TMEM184B: variants seen among roughly 807,000 people sequenced by gnomAD.
TMEM184B encodes transmembrane protein 184B.
In TMEM184B, 17 loss-of-function variants were observed where a neutral mutation model predicts 41.8. That is an observed-to-expected ratio of 0.41 (90% CI 0.28 to 0.61). TMEM184B has a LOEUF of 0.61. TMEM184B is among the 20% of genes least tolerant of loss of function. The pLI is 0.34. For missense variants in TMEM184B, 393 were observed against 557.8 expected (o/e 0.70, Z 2.98); for synonymous variants, 240 against 229.5 (o/e 1.05, Z -0.41).
chr22:38,220,692 TC>T lies in TMEM184B; in HGVS notation c.*776del. The T allele has an allele frequency of 2.0e-6, 2 of 986,254 alleles. No individual in the cohort carries two copies. The highest frequency in any genetic ancestry group is 1.2e-6 in the Non-Finnish European group (1 of 830,252). 61.1% of individuals were successfully genotyped at this position (986,254 alleles called of 1,614,324 possible). ...GAAGCAAGGGCTCTGCCCAAAGCTA[TC>T]GAGGAAGGACCCAAGTGAGCCGGCA... is the stretch of plus-strand genomic sequence containing the variant. On this transcript the variant is annotated 3_prime_UTR_variant, in exon 9 of 9. Coordinates refer to ENST00000361906, the MANE Select transcript of TMEM184B (RefSeq NM_012264.5).
chr22:38,257,018 G>C (rs1292984283), intron 1 of TMEM184B, among the ~76,000 whole-genome samples: 1 of 110,204 alleles, frequency 9.1e-6, no homozygotes, highest in Non-Finnish European at 1.7e-5. Context: ...TTTCGCTCTT[G>C]TTGCCCAGGC....
intron 1 of TMEM184B, among the ~76,000 whole-genome samples, chr22:38,254,180 G>A (rs886453167): frequency 7.1e-6 from 1 of 141,048 alleles, no homozygotes; most frequent in Admixed American, 7.9e-5. Context: ...CCGCCCTTAG[G>A]GGACAGAGCA....
At position 38,224,867 on chromosome 22, in the gene TMEM184B, A is replaced by G. The variant is rs2091381751; in HGVS notation, c.900T>C (p.Cys300=). ...VAAGYQDFII[C]VEMFFAALAL... ...CCAGGGCTGCAAAGAACATCTCCACACAGATGATGAAGTCCTGGTAGCCGG... is the reference window on the plus strand; with the variant it reads ...CCAGGGCTGCAAAGAACATCTCCACGCAGATGATGAAGTCCTGGTAGCCGG... Residue 300 remains cysteine (C), a synonymous_variant, in exon 8 of 9, where the codon TGT becomes TGC. Coordinates refer to ENST00000361906, the MANE Select transcript of TMEM184B (RefSeq NM_012264.5). The G allele has an allele frequency of 3.7e-6, 6 of 1,613,700 alleles. No individual in the cohort carries two copies. The South Asian group carries it at 6.6e-5, about 18-fold the overall frequency.
chr22:38,227,233 G>A (rs577622541), intron 5 of TMEM184B, among the ~76,000 whole-genome samples: 1 of 152,214 alleles, frequency 6.6e-6, no homozygotes, highest in African/African-American at 2.4e-5. Flanking sequence ...CGATGGAGGC[G>A]GGAGACAGGA....
chr22:38,268,133 A>C (rs955185881), intron 1 of TMEM184B, among the ~76,000 whole-genome samples: 11 of 152,168 alleles, frequency 7.2e-5, no homozygotes, highest in South Asian at 4.1e-4. Context: ...CTGTAATCCC[A>C]ACACTTTGGG....
At position 38,225,124 on chromosome 22, in the gene TMEM184B, C is replaced by T. The variant is rs1400646185; in HGVS notation, c.788-145G>A. ...TGCTCCTGCAGGGCAGGGGTAGCGA[C>T]ACAAGGCCACAGCCTCCGGAAACCC... On this transcript the variant is annotated intron_variant, in intron 7 of 8. Transcript: ENST00000361906. This position sits in a 1 kb window ranked among gnomAD's most constrained non-coding sequence, Gnocchi z 4.4. 3 of 1,002,352 alleles carry T rather than the reference C, an allele frequency of 3.0e-6. No homozygotes were observed. Among genetic ancestry groups the T allele is most frequent in the African/African-American group, 1.6e-5 (1 of 60,754 alleles). 62.1% of individuals were successfully genotyped at this position (1,002,352 alleles called of 1,614,324 possible).
At chr22:38,224,271 C>T (rs1425499912) in intron 8 of TMEM184B, among the ~76,000 whole-genome samples, 2 of 152,160 alleles carry the variant, frequency 1.3e-5, no homozygotes, top group Non-Finnish European at 2.9e-5. Context: ...CCCGCCACCA[C>T]GCCCGGCTAA....
At chr22:38,254,855 T>A (rs1191748284) in intron 1 of TMEM184B, among the ~76,000 whole-genome samples, 2 of 149,544 alleles carry the variant, frequency 1.3e-5, no homozygotes, top group Non-Finnish European at 1.5e-5. Context: ...CACTTTCTTT[T>A]TTTTTTTTTT....
At chr22:38,271,902 C>T (rs2092529344) in intron 1 of TMEM184B, among the ~76,000 whole-genome samples, 1 of 152,206 alleles carries the variant, frequency 6.6e-6, no homozygotes, top group Non-Finnish European at 1.5e-5. Context: ...TCAACGAAGT[C>T]ACACCTCTGA....
chr22:38,227,397 G>A (rs2091476712), intron 5 of TMEM184B, among the ~76,000 whole-genome samples: 1 of 152,170 alleles, frequency 6.6e-6, no homozygotes. Context: ...CTGAGGAGAT[G>A]GGCAGGGCCA....
Position 38,219,832 on chromosome 22 carries a change from G to T in TMEM184B, c.*1637C>A, listed in dbSNP as rs2091211054. 4.1e-6 allele frequency: 4 copies of T among 985,434 alleles called. No homozygotes were observed. Among genetic ancestry groups the T allele is most frequent in the Non-Finnish European group, 3.6e-6 (3 of 829,956 alleles). 61.0% of individuals were successfully genotyped at this position (985,434 alleles called of 1,614,324 possible). ...CTGCACCCACCCTCCCGGGCAGCTT[G>T]GGCCCAACTGCTCCGCCCCCCCAAG... is the stretch of plus-strand genomic sequence containing the variant. On this transcript the variant is annotated 3_prime_UTR_variant, in exon 9 of 9. Coordinates refer to ENST00000361906, the MANE Select transcript of TMEM184B (RefSeq NM_012264.5).
At chr22:38,230,848 G>A (rs2091596589) in intron 4 of TMEM184B, 104 bp from the exon 5 acceptor site, 3 of 1,116,860 alleles carry the variant, frequency 2.7e-6, no homozygotes, top group South Asian at 2.7e-5. Flanking sequence ...GACGAGCTGG[G>A]GCACACATTC....
At chr22:38,224,529 C>G (rs1306785188) in intron 8 of TMEM184B, among the ~76,000 whole-genome samples, 1 of 152,256 alleles carries the variant, frequency 6.6e-6, no homozygotes, top group Non-Finnish European at 1.5e-5. Flanking sequence ...ATTACAGTCT[C>G]TGTCTGTATC....
Position 38,249,428 on chromosome 22 carries a change from G to C in TMEM184B, c.-58-1409C>G, listed in dbSNP as rs187799126. Among the ~76,000 whole-genome samples, 4 of 152,302 alleles carry C rather than the reference G, an allele frequency of 2.6e-5. No homozygotes were observed. In the East Asian group the frequency reaches 7.7e-4, roughly 29 times the overall value. Reference sequence around the variant, plus strand: ...TCCTCCCAAAATGCTGGGATTATAGGCGTGAGTCACTGTGCCTGGCCTATC... The same window carrying C: ...TCCTCCCAAAATGCTGGGATTATAGCCGTGAGTCACTGTGCCTGGCCTATC... On this transcript the variant is annotated intron_variant, in intron 1 of 8. Coordinates refer to ENST00000361906, the MANE Select transcript of TMEM184B (RefSeq NM_012264.5).
intron 1 of TMEM184B, among the ~76,000 whole-genome samples, chr22:38,249,126 C>A (rs570304829): frequency 4.5e-4 from 69 of 152,296 alleles, no homozygotes; most frequent in African/African-American, 1.6e-3. Flanking sequence ...GATCTCACAC[C>A]CCCAGCCCAC....
chr22:38,270,949 G>A (rs767112976), intron 1 of TMEM184B, among the ~76,000 whole-genome samples: 7 of 152,252 alleles, frequency 4.6e-5, no homozygotes, highest in South Asian at 4.1e-4. Context: ...CACAGAACTC[G>A]GCCAATAGGA....
intron 3 of TMEM184B, among the ~76,000 whole-genome samples, chr22:38,241,501 AAC>A (rs1259151715): frequency 1.3e-5 from 2 of 149,574 alleles, no homozygotes; most frequent in Non-Finnish European, 3.0e-5. Context: ...CACCCTGGGC[AAC>A]ACAGTGAGAC....
intron 1 of TMEM184B, among the ~76,000 whole-genome samples, chr22:38,264,467 T>C (rs1048039558): frequency 8.5e-5 from 13 of 152,182 alleles, no homozygotes; most frequent in African/African-American, 2.9e-4. Flanking sequence ...CCATTCCAGA[T>C]GAGTGGTGAG....
At chr22:38,272,402 A>T in intron 1 of TMEM184B, 1 of 876,570 alleles carries the variant, frequency 1.1e-6, no homozygotes, top group Non-Finnish European at 1.4e-6. Context: ...GCGGGCGTGT[A>T]CACCCTCCAC....
Sources: allele counts gnomAD v4.1 joint callset (sites outside exome capture counted in the v4.1 genomes callset), GRCh38; gene constraint gnomAD v4.1.1; non-coding constraint Gnocchi (gnomAD v3.1); transcripts MANE v1.5; gene names NCBI Gene and HGNC (gene_info 2026-07-23, HGNC 2026-07-21).